The following SNX6 variants were observed in gnomAD, a reference collection of about 807,000 sequenced individuals.
The protein encoded by SNX6 is sorting nexin-6.
SNX6 carries 34 observed loss-of-function variants against 63.0 expected under a neutral mutation model. The ratio of observed to expected loss-of-function variants is 0.54; its 90% confidence interval spans 0.41 to 0.72. The LOEUF (loss-of-function observed/expected upper bound fraction) is 0.72. Among genes scored for constraint, SNX6 ranks in the 30% least tolerant of loss-of-function variants. The probability of loss-of-function intolerance (pLI) is 0.00; values close to 1 mark genes in which losing one functional copy is unlikely to be tolerated. For missense variants in SNX6, 398 were observed against 471.4 expected (o/e 0.84, Z 1.44); for synonymous variants, 170 against 164.2 (o/e 1.04, Z -0.27).
At chr14:34,586,384 A>T (rs1379221881) in intron 8 of SNX6, 79 bp from the exon 9 acceptor site, 1 of 811,428 alleles carries the variant, frequency 1.2e-6, no homozygotes, top group Admixed American at 2.1e-5. Flanking sequence ...CTCTCAAACA[A>T]TGTGTAATAT....
Position 34,563,017 on chromosome 14 carries a change from G to A in SNX6, c.*105C>T. The A allele has an allele frequency of 8.5e-7, 1 of 1,177,850 alleles. No homozygotes were observed. Among genetic ancestry groups the A allele is most frequent in the Admixed American group, 2.1e-5 (1 of 47,976 alleles). The allele number at this position is 1,177,850 out of a possible 1,614,324, so 73.0% of individuals were successfully genotyped here. A position where few individuals can be genotyped will look rare whatever the true frequency, so the allele number is the denominator to read the frequency against. ...GAGGAGTTGATGCACTTTTTCAGCT[G>A]CTTTTTGTTTGTTTCCAGTGAGCAT... On this transcript the variant is annotated 3_prime_UTR_variant, in exon 14 of 14. Transcript: ENST00000362031.
intron 2 of SNX6, among the ~76,000 whole-genome samples, chr14:34,625,119 G>C (rs753095677): frequency 6.6e-6 from 1 of 151,958 alleles, no homozygotes; most frequent in South Asian, 2.1e-4. Flanking sequence ...GTTTCACTAT[G>C]TTGGTCAGGC....
At chr14:34,563,987 C>T (rs1008576733) in intron 13 of SNX6, among the ~76,000 whole-genome samples, 4 of 152,042 alleles carry the variant, frequency 2.6e-5, no homozygotes, top group African/African-American at 9.7e-5. Flanking sequence ...GATCCGCCTA[C>T]CTCAGCCTCC....
intron 2 of SNX6, among the ~76,000 whole-genome samples, chr14:34,623,955 T>G (rs1178598987): frequency 6.6e-6 from 1 of 152,168 alleles, no homozygotes; most frequent in Non-Finnish European, 1.5e-5. Flanking sequence ...AAGGGCTCAT[T>G]TGTGTACTAA....
chr14:34,597,648 G>A lies in SNX6; in HGVS notation c.517-3C>T, dbSNP rs185201446. ...TTATTTTTTCCTCGCACACTCAACT[G>A]AAAGAAAGGTAATTTAACATTTTTA... On this transcript the variant is annotated splice_region_variant and splice_polypyrimidine_tract_variant and intron_variant, in intron 6 of 13. Transcript: ENST00000362031. 7,255 of 1,508,620 alleles carry A rather than the reference G, an allele frequency of 4.8e-3. 33 individuals are homozygous for A. The highest frequency in any genetic ancestry group is 5.5e-3 in the Non-Finnish European group (6,138 of 1,107,926). 93.5% of individuals were successfully genotyped at this position (1,508,620 alleles called of 1,614,324 possible).
At chr14:34,595,867 GT>G (rs1157852203) in intron 7 of SNX6, among the ~76,000 whole-genome samples, 2 of 152,046 alleles carry the variant, frequency 1.3e-5, no homozygotes, top group African/African-American at 4.8e-5. Flanking sequence ...TATTTTAATG[GT>G]AAGAATCTTC....
Position 34,562,494 on chromosome 14 carries a change from C to T in SNX6, c.*628G>A, listed in dbSNP as rs1431217326. 1.3e-5 allele frequency: 2 copies of T among 152,626 alleles called. No individual in the cohort carries two copies. The highest frequency in any genetic ancestry group is 1.9e-4 in the East Asian group (1 of 5,206). 9.5% of individuals were successfully genotyped at this position (152,626 alleles called of 1,614,324 possible). ...TAGAGTTAAAAACTATCACTGTTAT[C>T]GCTGTTTATTTTACAATACTTGGTT... On this transcript the variant is annotated 3_prime_UTR_variant, in exon 14 of 14. Transcript: ENST00000362031.
chr14:34,594,308 CT>C (rs34181149), intron 7 of SNX6, among the ~76,000 whole-genome samples: 4,422 of 145,890 alleles, frequency 0.03, 176 homozygotes, highest in African/African-American at 0.093. Flanking sequence ...TGTCTTCAAC[CT>C]TTTTTTTTTT....
chr14:34,578,634 G>GAAA (rs1214360269), intron 10 of SNX6, among the ~76,000 whole-genome samples: 4 of 97,018 alleles, frequency 4.1e-5, no homozygotes, highest in Non-Finnish European at 6.1e-5. Flanking sequence ...GTCTCAAAAA[G>GAAA]AAAAAAAAAA....
intron 9 of SNX6, among the ~76,000 whole-genome samples, 175 bp downstream of exon 9, chr14:34,586,055 A>AC (rs1882140986): frequency 6.6e-6 from 1 of 151,216 alleles, no homozygotes; most frequent in Admixed American, 6.6e-5. Flanking sequence ...GGTGTGTGTC[A>AC]CCCCGCCTGG....
At chr14:34,585,918 T>A (rs918658025) in intron 9 of SNX6, among the ~76,000 whole-genome samples, 3 of 151,594 alleles carry the variant, frequency 2.0e-5, no homozygotes, top group East Asian at 1.9e-4. Context: ...TTATTTATTT[T>A]TTTTGAGATG....
intron 2 of SNX6, among the ~76,000 whole-genome samples, chr14:34,628,394 G>A (rs1883910289): frequency 6.6e-6 from 1 of 152,208 alleles, no homozygotes; most frequent in Admixed American, 6.6e-5. Context: ...GGGAGGCGGA[G>A]CTTGCAGTGA....
At chr14:34,601,737 G>C (rs956389764) in intron 6 of SNX6, among the ~76,000 whole-genome samples, 2 of 151,666 alleles carry the variant, frequency 1.3e-5, no homozygotes, top group African/African-American at 4.8e-5. Context: ...TGGGATTACA[G>C]GCGCCCACCA....
intron 2 of SNX6, among the ~76,000 whole-genome samples, chr14:34,616,463 G>A (rs1883423256): frequency 6.6e-6 from 1 of 152,026 alleles, no homozygotes; most frequent in African/African-American, 2.4e-5. Context: ...TTGAACTCCT[G>A]GGATCAAGCG....
intron 2 of SNX6, among the ~76,000 whole-genome samples, chr14:34,624,758 T>C (rs1246307320): frequency 2.6e-5 from 4 of 151,562 alleles, no homozygotes; most frequent in Admixed American, 2.6e-4. Context: ...GTCGCACCAC[T>C]GCACTCCAGC....
intron 2 of SNX6, among the ~76,000 whole-genome samples, chr14:34,622,900 G>C (rs929871745): frequency 5.9e-5 from 9 of 152,172 alleles, no homozygotes; most frequent in African/African-American, 2.2e-4. Context: ...GTATTTCATA[G>C]GGATTTGAGA....
intron 2 of SNX6, among the ~76,000 whole-genome samples, chr14:34,619,465 GAGAT>G (rs983793776): frequency 1.3e-5 from 2 of 151,790 alleles, no homozygotes; most frequent in Non-Finnish European, 2.9e-5. Context: ...GAGAGAGAGA[GAGAT>G]AGAATAAATA....
intron 7 of SNX6, among the ~76,000 whole-genome samples, 199 bp downstream of exon 7, chr14:34,597,351 T>C (rs1373356916): frequency 6.6e-6 from 1 of 152,172 alleles, no homozygotes; most frequent in African/African-American, 2.4e-5. Context: ...TTCCCTTGGC[T>C]TAAGACTTCT....
At chr14:34,571,303 G>C (rs1031053334) in intron 11 of SNX6, among the ~76,000 whole-genome samples, 1 of 151,740 alleles carries the variant, frequency 6.6e-6, no homozygotes, top group Non-Finnish European at 1.5e-5. Context: ...CGTGGTGGTG[G>C]GCGCCTGCAG....
Sources: allele counts gnomAD v4.1 joint callset (sites outside exome capture counted in the v4.1 genomes callset), GRCh38; gene constraint gnomAD v4.1.1; transcripts MANE v1.5; gene names NCBI Gene and HGNC (gene_info 2026-07-23, HGNC 2026-07-21).